The following TXLNG variants were observed in gnomAD, a reference collection of about 807,000 sequenced individuals.
TXLNG encodes the protein gamma-taxilin.
In TXLNG, 5 loss-of-function variants were observed where a neutral mutation model predicts 38.8. The observed-to-expected ratio is 0.13, with a 90% confidence interval of 0.07 to 0.27. TXLNG has a LOEUF of 0.27. Ranked by LOEUF, TXLNG falls within the 10% of genes least tolerant of loss-of-function variation. The pLI is 1.00. For missense variants in TXLNG, 393 were observed against 398.2 expected, an observed-to-expected ratio of 0.99 and a Z score of 0.11; for synonymous variants, 182 against 158.2, an observed-to-expected ratio of 1.15 and a Z score of -1.13.
chrX:16,816,596 G>C (rs1194638318), intron 1 of TXLNG, among the ~76,000 whole-genome samples: 3 of 112,454 alleles, frequency 2.7e-5, no homozygotes, highest in Non-Finnish European at 3.7e-5. Context: ...TTCAGTATTT[G>C]TAAGTTTTTT....
At chrX:16,837,005 G>A (rs1476245459) in intron 7 of TXLNG, among the ~76,000 whole-genome samples, 1 of 111,174 alleles carries the variant, frequency 9.0e-6, no homozygotes, top group Non-Finnish European at 1.9e-5. Context: ...GGGAGAAGAT[G>A]GTGACTCCAT....
chrX:16,807,584 G>T (rs1324465786), intron 1 of TXLNG, among the ~76,000 whole-genome samples: 1 of 111,608 alleles, frequency 9.0e-6, no homozygotes, highest in African/African-American at 3.3e-5. Flanking sequence ...GGGTCACTTT[G>T]AGAATACCTC....
At chrX:16,790,991 T>G (rs1011343844) in intron 1 of TXLNG, among the ~76,000 whole-genome samples, 2 of 112,088 alleles carry the variant, frequency 1.8e-5, no homozygotes, top group African/African-American at 6.5e-5. Flanking sequence ...TCTCAATCTT[T>G]CTAAGCTTCA....
chrX:16,812,410 T>G (rs1255901591), intron 1 of TXLNG, among the ~76,000 whole-genome samples: 24 of 105,989 alleles, frequency 2.3e-4, no homozygotes, highest in African/African-American at 8.2e-4. Flanking sequence ...TTTTTTTTTT[T>G]TGTGAGACAG....
At chrX:16,822,168 C>T (rs915737314) in intron 3 of TXLNG, among the ~76,000 whole-genome samples, 1 of 107,133 alleles carries the variant, frequency 9.3e-6, no homozygotes, top group Non-Finnish European at 1.9e-5. Flanking sequence ...GAAACCCCGT[C>T]TTTACTAAAA....
At chrX:16,809,875 G>T (rs1253611628) in intron 1 of TXLNG, among the ~76,000 whole-genome samples, 1 of 111,676 alleles carries the variant, frequency 9.0e-6, no homozygotes, top group Non-Finnish European at 1.9e-5. Context: ...TCGTATTTTG[G>T]GAGCATCTCT....
chrX:16,828,699 C>A (rs1022196056), intron 4 of TXLNG, among the ~76,000 whole-genome samples: 1 of 112,156 alleles, frequency 8.9e-6, no homozygotes, highest in African/African-American at 3.2e-5. Flanking sequence ...TCCACTGGCC[C>A]ACCCCCAGCC....
intron 7 of TXLNG, among the ~76,000 whole-genome samples, chrX:16,836,997 G>T (rs1017814149): frequency 9.0e-6 from 1 of 111,399 alleles, no homozygotes; most frequent in Non-Finnish European, 1.9e-5. Flanking sequence ...TTCTAAGGGG[G>T]AGAAGATGGT....
At chrX:16,804,971 A>ACCG (rs1928270003) in intron 1 of TXLNG, among the ~76,000 whole-genome samples, 1 of 1,683 alleles carries the variant, frequency 5.9e-4, no homozygotes, top group Non-Finnish European at 8.9e-4. Context: ...ACCACTGCCC[A>ACCG]CCCCCCCCCC....
intron 1 of TXLNG, among the ~76,000 whole-genome samples, chrX:16,816,278 G>T (rs1928742626): frequency 9.0e-6 from 1 of 111,347 alleles, no homozygotes; most frequent in African/African-American, 3.3e-5. Context: ...TTACAGGCAT[G>T]AGCCACCTTG....
At chrX:16,832,602 G>A in intron 5 of TXLNG, 21 bp from the exon 6 acceptor site, 1 of 1,210,741 alleles carries the variant, frequency 8.3e-7, no homozygotes, top group Non-Finnish European at 1.1e-6. Flanking sequence ...AGTGATGGAA[G>A]AAACTCTCCT....
At chrX:16,813,963 G>A (rs1928634967) in intron 1 of TXLNG, among the ~76,000 whole-genome samples, 1 of 111,157 alleles carries the variant, frequency 9.0e-6, no homozygotes, top group South Asian at 3.8e-4. Flanking sequence ...GCGGGCACCT[G>A]TAGTCCCAGC....
intron 1 of TXLNG, among the ~76,000 whole-genome samples, chrX:16,799,408 T>TTA (rs1927999765): frequency 8.9e-6 from 1 of 111,764 alleles, no homozygotes; most frequent in Non-Finnish European, 1.9e-5. Flanking sequence ...CCTGGTTTCT[T>TTA]TAGCTATACA....
chrX:16,803,494 A>G (rs1365929154), intron 1 of TXLNG: 1 of 105,828 alleles, frequency 9.4e-6, no homozygotes, highest in Admixed American at 1.0e-4. Context: ...AGCTGGGACT[A>G]CAGGCGCCTG....
chrX:16,834,143 A>C (rs1929509364), intron 6 of TXLNG, 140 bp from the exon 7 acceptor site: 1 of 438,454 alleles, frequency 2.3e-6, no homozygotes, highest in African/African-American at 2.5e-5. Context: ...GGTAAATGGC[A>C]ATTTGTGGAA....
intron 1 of TXLNG, 83 bp from the exon 2 acceptor site, chrX:16,818,491 T>TATG: frequency 9.4e-7 from 1 of 1,060,222 alleles, no homozygotes; most frequent in Non-Finnish European, 1.3e-6. Flanking sequence ...ACTATCAGGC[T>TATG]ATGATGTTCC....
chrX:16,805,481 T>A (rs1928304134), intron 1 of TXLNG, among the ~76,000 whole-genome samples: 1 of 111,953 alleles, frequency 8.9e-6, no homozygotes, highest in Non-Finnish European at 1.9e-5. Context: ...TGGAAAAAAA[T>A]TTGTTGAGGA....
At chrX:16,841,242 A>G (rs1295217412) in intron 9 of TXLNG, among the ~76,000 whole-genome samples, 186 bp from the exon 10 acceptor site, 1 of 111,048 alleles carries the variant, frequency 9.0e-6, no homozygotes, top group Non-Finnish European at 1.9e-5. Flanking sequence ...CCCCTGAAAC[A>G]ATATGCTAAA....
intron 1 of TXLNG, among the ~76,000 whole-genome samples, chrX:16,815,045 C>T (rs1928680096): frequency 8.9e-6 from 1 of 111,894 alleles, no homozygotes; most frequent in African/African-American, 3.2e-5. Flanking sequence ...CTTTTTTCTA[C>T]GAATTTCATG....
Sources: allele counts gnomAD v4.1 joint callset (sites outside exome capture counted in the v4.1 genomes callset), GRCh38; gene constraint gnomAD v4.1.1; transcripts MANE v1.5; gene names NCBI Gene and HGNC (gene_info 2026-07-23, HGNC 2026-07-21).